Variants in ARHGAP17 observed in about 807,000 individuals in gnomAD.
ARHGAP17 encodes the protein Rho GTPase activating protein 17, also known as rho GTPase-activating protein 17.
In ARHGAP17, 57 loss-of-function variants were observed where a neutral mutation model predicts 99.5. The ratio of observed to expected loss-of-function variants is 0.57; its 90% CI spans 0.46 to 0.71. The LOEUF (loss-of-function observed/expected upper bound fraction) is 0.71. Ranked by LOEUF, ARHGAP17 falls within the 30% of genes least tolerant of loss-of-function variation. The pLI, the probability that ARHGAP17 is intolerant of heterozygous loss-of-function variation, is 0.00. For synonymous variants in ARHGAP17, 417 were observed against 429.6 expected (o/e 0.97, Z 0.36); for missense variants, 1,000 against 1,122.4 (o/e 0.89, Z 1.56).
chr16:25,004,485 T>G (rs2053454012), intron 1 of ARHGAP17, among the ~76,000 whole-genome samples: 2 of 152,234 alleles, frequency 1.3e-5, no homozygotes, highest in South Asian at 2.1e-4. Context: ...TGTGAAAGTA[T>G]CCAATGACCA....
chr16:24,926,510 C>T (rs1179106710), intron 19 of ARHGAP17, among the ~76,000 whole-genome samples: 1 of 152,216 alleles, frequency 6.6e-6, no homozygotes, highest in Admixed American at 6.5e-5. Flanking sequence ...GATCCACCCG[C>T]CTCAGCCTCC....
At chr16:24,937,067 T>C (rs113703681) in intron 17 of ARHGAP17, among the ~76,000 whole-genome samples, 8,507 of 149,698 alleles carry the variant, frequency 0.057, 339 homozygotes, top group Middle Eastern at 0.13. Flanking sequence ...TAGTGAGCCA[T>C]GATCACACCA....
intron 1 of ARHGAP17, among the ~76,000 whole-genome samples, chr16:24,980,226 C>T (rs7188494): frequency 0.24 from 37,176 of 152,080 alleles, 5,875 homozygotes; most frequent in East Asian, 0.5. Flanking sequence ...GTAGTGCCAA[C>T]TGTGGGCAAG....
At chr16:24,988,388 C>T (rs192481789) in intron 1 of ARHGAP17, among the ~76,000 whole-genome samples, 10 of 152,082 alleles carry the variant, frequency 6.6e-5, no homozygotes, top group Admixed American at 1.3e-4. Flanking sequence ...GGATACTTAA[C>T]GGGGGGAAAT....
intron 19 of ARHGAP17, among the ~76,000 whole-genome samples, chr16:24,927,033 G>A (rs999639095): frequency 6.6e-6 from 1 of 152,158 alleles, no homozygotes; most frequent in African/African-American, 2.4e-5. Context: ...CACTTTGGGA[G>A]GCTGAGGAGG....
intron 19 of ARHGAP17, among the ~76,000 whole-genome samples, chr16:24,925,352 C>G (rs2050812861): frequency 6.6e-6 from 1 of 152,212 alleles, no homozygotes; most frequent in Admixed American, 6.5e-5. Context: ...GCACTCCAGC[C>G]TGGGTGACAG....
chr16:24,996,115 G>A (rs190317615), intron 1 of ARHGAP17, among the ~76,000 whole-genome samples: 1 of 151,264 alleles, frequency 6.6e-6, no homozygotes, highest in Non-Finnish European at 1.5e-5. Flanking sequence ...TTATTTTTTT[G>A]GGGGGGGAGG....
At chr16:24,934,941 G>A (rs60112224) in intron 18 of ARHGAP17, among the ~76,000 whole-genome samples, 6,042 of 152,266 alleles carry the variant, frequency 0.04, 316 homozygotes, top group African/African-American at 0.12. Context: ...CCAAAGCACA[G>A]AGAACCCAGG....
intron 1 of ARHGAP17, 90 bp downstream of exon 1, chr16:25,015,119 G>A (rs1417146658): frequency 1.2e-5 from 14 of 1,157,620 alleles, no homozygotes; most frequent in African/African-American, 1.6e-5. Context: ...GCTCAGAGCC[G>A]CCGGACCGCG....
intron 19 of ARHGAP17, among the ~76,000 whole-genome samples, chr16:24,926,183 T>C (rs1297157000): frequency 1.3e-5 from 2 of 151,932 alleles, no homozygotes; most frequent in African/African-American, 2.4e-5. Context: ...AAGTAGAATA[T>C]AAATGGCAGA....
chr16:24,935,772 T>C, intron 17 of ARHGAP17, 133 bp from the exon 18 acceptor site: 1 of 922,434 alleles, frequency 1.1e-6, no homozygotes. Flanking sequence ...AAATTCTAAC[T>C]AGCTCACACT....
intron 6 of ARHGAP17, among the ~76,000 whole-genome samples, chr16:24,966,702 T>C (rs1306459957): frequency 4.0e-5 from 6 of 151,866 alleles, no homozygotes; most frequent in African/African-American, 1.5e-4. Flanking sequence ...GAGGATCCCT[T>C]GAGCCCAGGA....
chr16:24,924,485 T>C (rs903683421), intron 19 of ARHGAP17, among the ~76,000 whole-genome samples: 2 of 151,482 alleles, frequency 1.3e-5, no homozygotes, highest in Non-Finnish European at 2.9e-5. Context: ...ATGAACTTAG[T>C]TCCAAGCAAT....
At chr16:24,973,684 A>AT (rs2052434326) in intron 3 of ARHGAP17, among the ~76,000 whole-genome samples, 1 of 152,214 alleles carries the variant, frequency 6.6e-6, no homozygotes, top group African/African-American at 2.4e-5. Flanking sequence ...TGGGCCCCCC[A>AT]TAAAACCCTG....
chr16:24,986,267 A>G (rs1177984865), intron 1 of ARHGAP17, among the ~76,000 whole-genome samples: 1 of 152,100 alleles, frequency 6.6e-6, no homozygotes, highest in African/African-American at 2.4e-5. Context: ...TTTTACCTAT[A>G]AGGAAAGTGA....
intron 1 of ARHGAP17, among the ~76,000 whole-genome samples, chr16:24,999,718 T>C (rs140048280): frequency 2.4e-4 from 37 of 152,332 alleles, no homozygotes; most frequent in Admixed American, 1.3e-3. Flanking sequence ...ATGTCCCACC[T>C]ACAGGCTATC....
chr16:24,978,637 AC>A (rs1256822429), intron 2 of ARHGAP17, among the ~76,000 whole-genome samples: 16 of 152,062 alleles, frequency 1.1e-4, no homozygotes, highest in Admixed American at 7.9e-4. Context: ...AACTCATTAA[AC>A]CCTCCTAACA....
intron 12 of ARHGAP17, among the ~76,000 whole-genome samples, chr16:24,951,070 G>A (rs1225487424): frequency 1.3e-5 from 2 of 152,138 alleles, no homozygotes; most frequent in African/African-American, 4.8e-5. Flanking sequence ...CTGGAGAGGA[G>A]GGGAGTCAGC....
intron 1 of ARHGAP17, among the ~76,000 whole-genome samples, chr16:24,991,719 T>C (rs1224654936): frequency 6.6e-6 from 1 of 152,172 alleles, no homozygotes; most frequent in East Asian, 1.9e-4. Flanking sequence ...CACCAGCAGA[T>C]CTCAGCTGAG....
Sources: gnomAD v4.1 joint callset for allele counts (sites outside exome capture counted in the v4.1 genomes callset) on GRCh38, gnomAD v4.1.1 for gene constraint, MANE v1.5 for transcripts, NCBI Gene and HGNC (gene_info 2026-07-23, HGNC 2026-07-21) for gene names.